Variants in BRCA1 observed in about 807,000 individuals in gnomAD.
BRCA1 encodes the protein breast cancer type 1 susceptibility protein.
Under a neutral mutation model 173.7 loss-of-function variants are expected in BRCA1, and 140 were observed. The ratio of observed to expected loss-of-function variants is 0.81; its 90% CI spans 0.70 to 0.93. The LOEUF is 0.93. Ranked by LOEUF, BRCA1 falls within the 40% of genes least tolerant of loss-of-function variation. The pLI, the probability that BRCA1 is intolerant of heterozygous loss-of-function variation, is 0.00. For synonymous variants in BRCA1, 662 were observed against 756.0 expected (o/e 0.88, Z 2.04); for missense variants, 1,983 against 2,172.5 (o/e 0.91, Z 1.73).
intron 18 of BRCA1, among the ~76,000 whole-genome samples, chr17:43,060,134 G>A (rs1467647851): frequency 6.6e-6 from 1 of 151,982 alleles, no homozygotes; most frequent in Non-Finnish European, 1.5e-5. Context: ...GCAATGGTGC[G>A]ATCTCAGCTC....
At chr17:43,132,120 A>AT (rs1249383467) in intron 1 of BRCA1, among the ~76,000 whole-genome samples, 2 of 152,096 alleles carry the variant, frequency 1.3e-5, no homozygotes, top group Non-Finnish European at 2.9e-5. Context: ...ATCAACTGAC[A>AT]TTTGCCCCAA....
At chr17:43,079,548 T>A in intron 12 of BRCA1, 1 of 954,288 alleles carries the variant, frequency 1.0e-6, no homozygotes, top group Non-Finnish European at 1.7e-6. Context: ...AAGGGCAAGA[T>A]TCTTGCCAAG....
chr17:43,057,229 G>T (rs572604463), intron 18 of BRCA1, 94 bp from the exon 19 acceptor site: 3 of 1,239,812 alleles, frequency 2.4e-6, no homozygotes, highest in South Asian at 1.2e-5. Flanking sequence ...AGGCATTCAG[G>T]CCAGGCGCAG....
At chr17:43,110,898 C>G (rs1427718731) in intron 3 of BRCA1, among the ~76,000 whole-genome samples, 1 of 150,940 alleles carries the variant, frequency 6.6e-6, no homozygotes, top group Non-Finnish European at 1.5e-5. Flanking sequence ...GTCAGGAGTT[C>G]GAGATCAGCC....
chr17:43,062,877 A>G (rs892449497), intron 18 of BRCA1, among the ~76,000 whole-genome samples: 10 of 151,954 alleles, frequency 6.6e-5, no homozygotes, highest in Admixed American at 1.3e-4. Context: ...GATTACAGGC[A>G]TGAGCCACTG....
Position 43,044,408 on chromosome 17 carries a change from C to A in BRCA1, c.*1270G>T, listed in dbSNP as rs528049263. ...TGCACACTGGGGGGGCTAGGGAAGA[C>A]CTAGTCCTTCCAACAGCTATAAACA... On this transcript the variant is annotated 3_prime_UTR_variant, in exon 23 of 23. Transcript: ENST00000357654. 7 of 506,768 alleles carry A rather than the reference C, an allele frequency of 1.4e-5. 1 individual carries two copies. Among genetic ancestry groups the A allele is most frequent in the African/African-American group, 9.5e-5 (5 of 52,406 alleles). The allele number at this position is 506,768 out of a possible 1,614,324, so 31.4% of individuals were successfully genotyped here. A position where few individuals can be genotyped will look rare whatever the true frequency, so the allele number is the denominator to read the frequency against.
chr17:43,083,926 C>T (rs1223958007), intron 11 of BRCA1, among the ~76,000 whole-genome samples: 2 of 151,990 alleles, frequency 1.3e-5, no homozygotes, highest in East Asian at 1.9e-4. Context: ...TGCAGTGGTG[C>T]GATCTTGGCT....
rs80187739 is a variant in BRCA1, at chr17:43,067,608, C to G, written c.5074G>C (p.Asp1692His). ...EETTHVVMKT[D>H]AEFVCERTLK... ...TATTCTGTAAAGGTTCTTGGTATAC[C>G]TGTTTTCATAACAACATGAGTAGTC... is the stretch of plus-strand genomic sequence containing the variant. Residue 1692 changes from aspartate to histidine, a missense_variant and splice_region_variant, in exon 16 of 23, where the codon GAT (aspartate) becomes CAT (histidine). Physicochemically the swap from Asp to His is moderately conservative, Grantham distance 81. Coordinates refer to ENST00000357654, the MANE Select transcript of BRCA1 (RefSeq NM_007294.4). 2.5e-6 allele frequency: 4 copies of G among 1,606,370 alleles called. No homozygotes were observed. Among genetic ancestry groups the G allele is most frequent in the Admixed American group, 1.7e-5 (1 of 60,000 alleles).
intron 2 of BRCA1, chr17:43,119,140 G>A: frequency 4.6e-6 from 1 of 215,328 alleles, no homozygotes; most frequent in Admixed American, 5.8e-5. Flanking sequence ...TGACAAGAAT[G>A]TGGTTTTTTC....
chr17:43,095,904 C>G lies in BRCA1; in HGVS notation c.612G>C (p.Leu204Phe), dbSNP rs80357394. 1.1e-4 allele frequency: 177 copies of G among 1,613,428 alleles called. No individual in the cohort carries two copies. Among genetic ancestry groups the G allele is most frequent in the Non-Finnish European group, 1.5e-4 (173 of 1,179,612 alleles). ...ATYCSVGDQE[L>F]LQITPQGTRD... ...TGGTTCCTTGAGGGGTGATTTGTAACAATTCTTGATCTCCCACACTATAGG... is the reference window on the plus strand; with the variant it reads ...TGGTTCCTTGAGGGGTGATTTGTAAGAATTCTTGATCTCCCACACTATAGG... Residue 204 changes from leucine (L) to phenylalanine (F), a missense_variant, in exon 9 of 23, where the codon TTG (leucine) becomes TTC (phenylalanine). Coordinates refer to ENST00000357654, the MANE Select transcript of BRCA1 (RefSeq NM_007294.4).
At chr17:43,165,565 T>A (rs370442993) in intron 1 of BRCA1, among the ~76,000 whole-genome samples, 1 of 152,138 alleles carries the variant, frequency 6.6e-6, no homozygotes, top group Non-Finnish European at 1.5e-5. Context: ...AATTTTTTTA[T>A]AACATTTTTC....
intron 1 of BRCA1, among the ~76,000 whole-genome samples, chr17:43,150,580 GT>G (rs2056154398): frequency 1.3e-5 from 2 of 152,126 alleles, no homozygotes; most frequent in African/African-American, 4.8e-5. Context: ...CTAATTAGCT[GT>G]TTCTCAAGCA....
In BRCA1 at chr17:43,092,755, T is replaced by C. The variant is rs2154360041; in HGVS notation, c.2776A>G (p.Thr926Ala). The change falls in exon 10 of 23, where the codon ACT (threonine) becomes GCT (alanine). Residue 926 changes from threonine to alanine, a missense_variant. Coordinates refer to ENST00000357654, the MANE Select transcript of BRCA1 (RefSeq NM_007294.4). ...TGACCAACCACAGGAAAGCCTGCAG[T>C]GATATTAACTGTCTGTACAGGCTTG... Reference protein sequence around the residue: ...NIKPVQTVNITAGFPVVGQKD... With the variant: ...NIKPVQTVNIAAGFPVVGQKD... The C allele has an allele frequency of 1.2e-6, 2 of 1,613,738 alleles. No homozygotes were observed. Among genetic ancestry groups the C allele is most frequent in the Non-Finnish European group, 1.7e-6 (2 of 1,179,694 alleles).
At chr17:43,066,062 T>C (rs2052055408) in intron 16 of BRCA1, among the ~76,000 whole-genome samples, 1 of 152,180 alleles carries the variant, frequency 6.6e-6, no homozygotes, top group Non-Finnish European at 1.5e-5. Context: ...ATCACTCCAT[T>C]GGAGAATACA....
At chr17:43,140,020 T>C (rs754350142) in intron 1 of BRCA1, 4 of 435,926 alleles carry the variant, frequency 9.2e-6, no homozygotes, top group African/African-American at 4.1e-5. Context: ...GGCTCCTTAT[T>C]TGGGGACTGG....
chr17:43,158,239 T>C (rs925174853), intron 1 of BRCA1, among the ~76,000 whole-genome samples: 3 of 152,220 alleles, frequency 2.0e-5, no homozygotes, highest in African/African-American at 7.2e-5. Context: ...TGCCACACTA[T>C]TGAGGATTTT....
chr17:43,116,460 GGCTCAA>G (rs1229352468), intron 2 of BRCA1, among the ~76,000 whole-genome samples: 86 of 152,256 alleles, frequency 5.6e-4, no homozygotes, highest in African/African-American at 2.1e-3. Flanking sequence ...TGAACTCCTG[GGCTCAA>G]GCAATCCTCC....
At chr17:43,100,627 ATATGT>A (rs1251412079) in intron 6 of BRCA1, among the ~76,000 whole-genome samples, 492 of 13,152 alleles carry the variant, frequency 0.037, 27 homozygotes, top group South Asian at 0.092. Context: ...TAACATATAT[ATATGT>A]TATATATATA....
chr17:43,115,872 A>G, intron 2 of BRCA1, 93 bp from the exon 3 acceptor site: 1 of 1,338,648 alleles, frequency 7.5e-7, no homozygotes, highest in South Asian at 1.3e-5. Flanking sequence ...TTCAACTTTG[A>G]GCTGTTATGA....
Sources: gnomAD v4.1 joint callset for allele counts (sites outside exome capture counted in the v4.1 genomes callset) on GRCh38, gnomAD v4.1.1 for gene constraint, MANE v1.5 for transcripts, NCBI Gene and HGNC (gene_info 2026-07-23, HGNC 2026-07-21) for gene names.